Variants in ARHGEF17 observed in about 807,000 individuals in gnomAD.
ARHGEF17 encodes Rho guanine nucleotide exchange factor 17, also known as 164 kDa Rho-specific guanine-nucleotide exchange factor.
ARHGEF17 carries 80 observed loss-of-function variants against 174.0 expected under a neutral mutation model. The ratio of observed to expected loss-of-function variants is 0.46; its 90% CI spans 0.38 to 0.55. The LOEUF (loss-of-function observed/expected upper bound fraction) is 0.55. ARHGEF17 is among the 20% of genes least tolerant of loss of function. The pLI, the probability that ARHGEF17 is intolerant of heterozygous loss-of-function variation, is 0.00. For synonymous variants in ARHGEF17, 1,311 were observed against 1,189.1 expected (o/e 1.10, Z -2.11); for missense variants, 2,886 against 2,839.7 (o/e 1.02, Z -0.37).
At chr11:73,360,224 GCTGT>G in intron 10 of ARHGEF17, 92 bp from the exon 11 acceptor site, 4 of 1,349,950 alleles carry the variant, frequency 3.0e-6, no homozygotes, top group Non-Finnish European at 3.1e-6. Flanking sequence ...AGTCTCACTT[GCTGT>G]CTAAGGAGAG....
At chr11:73,350,869 T>C (rs980461837) in intron 2 of ARHGEF17, among the ~76,000 whole-genome samples, 2 of 152,250 alleles carry the variant, frequency 1.3e-5, no homozygotes, top group Admixed American at 1.3e-4. Context: ...TCGTGCTTCT[T>C]TCCTGCCTCC....
At chr11:73,325,791 G>A (rs894510952) in intron 1 of ARHGEF17, among the ~76,000 whole-genome samples, 8 of 152,248 alleles carry the variant, frequency 5.3e-5, no homozygotes, top group Non-Finnish European at 1.0e-4. Context: ...CCCTCTGAGT[G>A]TCCAGCAAGG....
chr11:73,317,026 T>TA (rs1194386891), intron 1 of ARHGEF17, among the ~76,000 whole-genome samples: 1 of 151,720 alleles, frequency 6.6e-6, no homozygotes. Context: ...GAGCTACAAC[T>TA]TCTCACATGG....
chr11:73,355,783 G>A (rs1865627620), intron 4 of ARHGEF17, 78 bp from the exon 5 acceptor site: 1 of 1,591,914 alleles, frequency 6.3e-7, no homozygotes, highest in South Asian at 1.1e-5. Flanking sequence ...GAGCTGGAGA[G>A]GCTTGCTGGG....
Position 73,310,679 on chromosome 11 carries a change from C to A in ARHGEF17, c.2041C>A (p.His681Asn). 6.2e-7 allele frequency: 1 copy of A among 1,613,882 alleles called. No homozygotes were observed. Among genetic ancestry groups the A allele is most frequent in the Non-Finnish European group, 8.5e-7 (1 of 1,180,008 alleles). Reference protein sequence around the residue: ...LSSSSAQTNHHGPGTEDSLGG... With the variant: ...LSSSSAQTNHNGPGTEDSLGG... ...CTCATCCTCGGCCCAGACGAACCAC[C>A]ATGGCCCTGGGACTGAGGACAGTCT... Residue 681 changes from histidine to asparagine, a missense_variant, in exon 1 of 21, where the codon CAT (histidine) becomes AAT (asparagine). His to Asn is a moderately conservative substitution (Grantham distance 68). Coordinates refer to ENST00000263674, the MANE Select transcript of ARHGEF17 (RefSeq NM_014786.4).
intron 1 of ARHGEF17, among the ~76,000 whole-genome samples, chr11:73,325,527 G>A (rs76730251): frequency 1.2e-3 from 177 of 152,230 alleles, no homozygotes; most frequent in African/African-American, 4.2e-3. Context: ...GAGGAGCATC[G>A]CATATAGGCA....
intron 1 of ARHGEF17, among the ~76,000 whole-genome samples, chr11:73,313,833 G>A (rs185517333): frequency 6.6e-6 from 1 of 152,234 alleles, no homozygotes; most frequent in Non-Finnish European, 1.5e-5. Flanking sequence ...TAAAATGGGG[G>A]TAATGGCCTC....
intron 3 of ARHGEF17, among the ~76,000 whole-genome samples, chr11:73,354,632 C>A (rs1865606584): frequency 1.3e-5 from 2 of 151,586 alleles, no homozygotes; most frequent in Non-Finnish European, 2.9e-5. Context: ...GAGAATCGCC[C>A]GAACCTGGGT....
chr11:73,308,836 G>C lies in ARHGEF17; in HGVS notation c.198G>C (p.Leu66=). The part of the protein sequence containing the change: ...RRVSKLASGP[L]AAPAQPRPLR... Reference sequence around the variant, plus strand: ...TGTCCAAGCTGGCGTCTGGGCCCCTGGCCGCCCCCGCGCAGCCGCGCCCGC... The same window carrying C: ...TGTCCAAGCTGGCGTCTGGGCCCCTCGCCGCCCCCGCGCAGCCGCGCCCGC... Residue 66 remains leucine, a synonymous_variant, in exon 1 of 21, where the codon CTG becomes CTC. Transcript: ENST00000263674. 1 of 1,339,504 alleles carries C rather than the reference G, an allele frequency of 7.5e-7. No homozygotes were observed. The highest frequency in any genetic ancestry group is 3.1e-5 in the East Asian group (1 of 32,130). 83.0% of individuals were successfully genotyped at this position (1,339,504 alleles called of 1,614,324 possible).
Position 73,311,604 on chromosome 11 carries a change from G to A in ARHGEF17, c.2966G>A (p.Gly989Asp). ...GPPVAVPEPI[G>D]FPTRAHPTLQ... Reference sequence around the variant, plus strand: ...CCTGTGGCTGTGCCAGAACCCATAGGCTTCCCTACCCGAGCCCATCCCACG... The same window carrying A: ...CCTGTGGCTGTGCCAGAACCCATAGACTTCCCTACCCGAGCCCATCCCACG... Residue 989 changes from glycine to aspartate, a missense_variant, in exon 1 of 21, where the codon GGC (glycine) becomes GAC (aspartate). Transcript: ENST00000263674. The A allele has an allele frequency of 6.2e-7, 1 of 1,613,382 alleles. No individual in the cohort carries two copies. The highest frequency in any genetic ancestry group is 1.1e-5 in the South Asian group (1 of 91,084).
intron 1 of ARHGEF17, among the ~76,000 whole-genome samples, chr11:73,329,363 ATATATATATATTTTT>A (rs1865162555): frequency 4.5e-4 from 1 of 2,244 alleles, no homozygotes; most frequent in African/African-American, 1.3e-3. Flanking sequence ...ATATATATAT[ATATATATATATTTTT>A]TTTTTTTTTT....
At chr11:73,347,441 C>T (rs956628966) in intron 2 of ARHGEF17, among the ~76,000 whole-genome samples, 1 of 152,196 alleles carries the variant, frequency 6.6e-6, no homozygotes, top group African/African-American at 2.4e-5. Flanking sequence ...AGTATACGGG[C>T]ACTCTAGAAA....
At chr11:73,349,866 C>G (rs1340522355) in intron 2 of ARHGEF17, among the ~76,000 whole-genome samples, 2 of 152,118 alleles carry the variant, frequency 1.3e-5, no homozygotes, top group African/African-American at 2.4e-5. Flanking sequence ...ACCCAAAGAC[C>G]GTCCCTGGAG....
Position 73,310,387 on chromosome 11 carries a change from G to C in ARHGEF17, c.1749G>C (p.Leu583=), listed in dbSNP as rs1324088647. The C allele has an allele frequency of 6.2e-7, 1 of 1,613,940 alleles. No individual in the cohort carries two copies. Among genetic ancestry groups the C allele is most frequent in the South Asian group, 1.1e-5 (1 of 91,084 alleles). The change falls in exon 1 of 21, where the codon CTG becomes CTC. Residue 583 remains leucine, a synonymous_variant. Transcript: ENST00000263674. ...GCCCTGGTGCCGAGGAGGATCCGCT[G>C]CCCCTCATCGTCCAGGACCAATATG... The part of the protein sequence containing the change: ...LTGPGAEEDP[L]PLIVQDQYVQ...
chr11:73,358,869 G>A (rs768014930), intron 9 of ARHGEF17, among the ~76,000 whole-genome samples: 7 of 152,174 alleles, frequency 4.6e-5, no homozygotes, highest in Non-Finnish European at 7.4e-5. Flanking sequence ...GCCTCGGCCT[G>A]GCAGGAAACT....
chr11:73,337,279 G>A (rs1034076210), intron 1 of ARHGEF17, among the ~76,000 whole-genome samples: 3 of 151,942 alleles, frequency 2.0e-5, no homozygotes, highest in African/African-American at 2.4e-5. Context: ...GTGGTGGTGC[G>A]CACCTGTACC....
intron 10 of ARHGEF17, 64 bp downstream of exon 10, chr11:73,360,016 GA>G (rs1386437906): frequency 7.1e-7 from 1 of 1,417,746 alleles, no homozygotes; most frequent in African/African-American, 1.4e-5. Context: ...CTGTCTGAGA[GA>G]TAGACAGCCC....
Position 73,341,400 on chromosome 11 carries a change from G to C in ARHGEF17, c.3193-5483G>C, listed in dbSNP as rs549249973. Among the ~76,000 whole-genome samples the C allele has an allele frequency of 7.5e-4, 114 of 152,170 alleles. 1 individual carries two copies. The highest frequency in any genetic ancestry group is 2.6e-3 in the African/African-American group (110 of 41,526). ...CAGCTCACCTCAACCTCCGCCTCCC[G>C]GGTTCAAGCTATTCTCCTGCCTCAG... On this transcript the variant is annotated intron_variant, in intron 1 of 20. Coordinates refer to ENST00000263674, the MANE Select transcript of ARHGEF17 (RefSeq NM_014786.4).
chr11:73,326,443 C>T (rs534879368), intron 1 of ARHGEF17, among the ~76,000 whole-genome samples: 4 of 152,268 alleles, frequency 2.6e-5, no homozygotes, highest in South Asian at 2.1e-4. Context: ...TCCAAGCTCA[C>T]GGCTGTAATC....
Sources: allele counts gnomAD v4.1 joint callset (sites outside exome capture counted in the v4.1 genomes callset), GRCh38; gene constraint gnomAD v4.1.1; transcripts MANE v1.5; gene names NCBI Gene and HGNC (gene_info 2026-07-23, HGNC 2026-07-21).